The following POU6F2 variants were observed in gnomAD, a reference collection of about 807,000 sequenced individuals.
The protein encoded by POU6F2 is POU domain, class 6, transcription factor 2.
POU6F2 carries 31 observed loss-of-function variants against 71.3 expected under a neutral mutation model. The ratio of observed to expected loss-of-function variants is 0.43; its 90% CI spans 0.33 to 0.59. POU6F2 has a LOEUF of 0.59. Ranked by LOEUF, POU6F2 falls within the 20% of genes least tolerant of loss-of-function variation. The probability of loss-of-function intolerance (pLI) is 0.04; values close to 1 mark genes in which losing one functional copy is unlikely to be tolerated. For synonymous variants in POU6F2, 347 were observed against 355.7 expected (o/e 0.98, Z 0.27); for missense variants, 783 against 856.8 (o/e 0.91, Z 1.07).
chr7:39,383,996 G>A (rs1383086122), intron 5 of POU6F2, among the ~76,000 whole-genome samples: 1 of 152,190 alleles, frequency 6.6e-6, no homozygotes, highest in Non-Finnish European at 1.5e-5. Context: ...TAATTTGAAT[G>A]TGATAAATGG....
rs183637727 is a variant in POU6F2 at position 39,017,311 on chromosome 7, A to G, written c.105+39253A>G. 5.3e-5 allele frequency among the ~76,000 whole-genome samples: 8 copies of G among 152,344 alleles called. No individual in the cohort carries two copies. The East Asian group carries it at 1.3e-3, about 26-fold the overall frequency. On this transcript the variant is annotated intron_variant, in intron 1 of 9. Transcript: ENST00000518318. The stretch of plus-strand genomic sequence containing the variant: ...GCACTGGGCTGCGTGTGAACATGTT[A>G]TGTAGATTTGTTAGTGATTTATGTA...
chr7:39,316,785 G>T (rs1248434428), intron 4 of POU6F2, among the ~76,000 whole-genome samples: 1 of 152,190 alleles, frequency 6.6e-6, no homozygotes, highest in Non-Finnish European at 1.5e-5. Flanking sequence ...GCTGCACTTT[G>T]CTGTTGCTGG....
chr7:39,220,456 G>A (rs1037549206), intron 4 of POU6F2, among the ~76,000 whole-genome samples: 2 of 152,176 alleles, frequency 1.3e-5, no homozygotes, highest in African/African-American at 4.8e-5. Context: ...AAAGAGGGGT[G>A]TACTTGGCAC....
At chr7:39,410,465 G>A (rs917122455) in intron 6 of POU6F2, among the ~76,000 whole-genome samples, 1 of 152,192 alleles carries the variant, frequency 6.6e-6, no homozygotes, top group Non-Finnish European at 1.5e-5. Flanking sequence ...TGGCATTGCT[G>A]AGAAAAACAT....
intron 5 of POU6F2, among the ~76,000 whole-genome samples, chr7:39,356,133 C>T (rs1371814932): frequency 6.6e-6 from 1 of 152,200 alleles, no homozygotes; most frequent in Non-Finnish European, 1.5e-5. Flanking sequence ...CTCTCTAATC[C>T]ACTTTGCAAA....
At chr7:39,263,526 G>A (rs574198789) in intron 4 of POU6F2, among the ~76,000 whole-genome samples, 2 of 151,984 alleles carry the variant, frequency 1.3e-5, no homozygotes, top group Non-Finnish European at 2.9e-5. Flanking sequence ...GTATAATTTG[G>A]GTATCTTTTG....
intron 4 of POU6F2, among the ~76,000 whole-genome samples, chr7:39,280,256 A>G (rs1784537678): frequency 6.6e-6 from 1 of 152,172 alleles, no homozygotes; most frequent in Non-Finnish European, 1.5e-5. Context: ...TGCTAAGCCC[A>G]TGCTCCCCCA....
intron 5 of POU6F2, among the ~76,000 whole-genome samples, chr7:39,352,302 G>A (rs1271253410): frequency 6.6e-6 from 1 of 152,184 alleles, no homozygotes; most frequent in Non-Finnish European, 1.5e-5. Flanking sequence ...AAATCACCTT[G>A]CTATAGGACT....
intron 7 of POU6F2, among the ~76,000 whole-genome samples, chr7:39,439,796 T>C (rs1788347361): frequency 6.6e-6 from 1 of 152,132 alleles, no homozygotes; most frequent in South Asian, 2.1e-4. Flanking sequence ...GGCTTTTTGG[T>C]GTGTTTTTGC....
intron 2 of POU6F2, 83 bp downstream of exon 2, chr7:39,086,114 CTGT>C: frequency 1.1e-5 from 14 of 1,233,848 alleles, no homozygotes; most frequent in Non-Finnish European, 1.3e-5. Flanking sequence ...CCCTTTTTTT[CTGT>C]TGTTCATTCA....
intron 4 of POU6F2, among the ~76,000 whole-genome samples, chr7:39,213,256 TC>T (rs1794178449): frequency 1.3e-5 from 2 of 152,354 alleles, no homozygotes; most frequent in Non-Finnish European, 1.5e-5. Context: ...TGGTTTTTCT[TC>T]CCTTCACTCT....
chr7:39,100,129 C>T (rs1791536785), intron 2 of POU6F2, among the ~76,000 whole-genome samples: 1 of 152,200 alleles, frequency 6.6e-6, no homozygotes, highest in Non-Finnish European at 1.5e-5. Flanking sequence ...TTCATGGAGT[C>T]CTCATTCCTT....
intron 9 of POU6F2, among the ~76,000 whole-genome samples, chr7:39,461,805 A>C (rs1486227674): frequency 6.6e-6 from 1 of 152,228 alleles, no homozygotes; most frequent in African/African-American, 2.4e-5. Flanking sequence ...TTTTCTTATA[A>C]GATACCTCCC....
intron 6 of POU6F2, among the ~76,000 whole-genome samples, chr7:39,414,662 T>A (rs779125436): frequency 6.6e-6 from 1 of 152,208 alleles, no homozygotes; most frequent in Non-Finnish European, 1.5e-5. Flanking sequence ...TCCTTAAGAC[T>A]GCGGGTGCGG....
chr7:38,993,626 AC>A (rs1788662271), intron 1 of POU6F2, among the ~76,000 whole-genome samples: 2 of 151,858 alleles, frequency 1.3e-5, no homozygotes, highest in African/African-American at 2.4e-5. Context: ...ACACACACAC[AC>A]ACACACACAC....
intron 4 of POU6F2, among the ~76,000 whole-genome samples, chr7:39,309,400 G>A (rs957204061): frequency 1.3e-5 from 2 of 152,176 alleles, no homozygotes; most frequent in African/African-American, 4.8e-5. Context: ...AGGGTAGGAT[G>A]GAAAAGAAAC....
chr7:39,388,169 G>A (rs776453394), intron 5 of POU6F2, among the ~76,000 whole-genome samples: 11 of 152,140 alleles, frequency 7.2e-5, no homozygotes, highest in Non-Finnish European at 1.5e-4. Flanking sequence ...ACTGTCCTGC[G>A]ACAGTGCTCA....
chr7:39,154,237 T>G (rs970136217), intron 2 of POU6F2, among the ~76,000 whole-genome samples: 1 of 152,168 alleles, frequency 6.6e-6, no homozygotes, highest in Non-Finnish European at 1.5e-5. Flanking sequence ...CAAGTAGCTG[T>G]GCTGGGCATC....
intron 3 of POU6F2, among the ~76,000 whole-genome samples, chr7:39,207,026 C>A (rs1042037092): frequency 3.9e-5 from 6 of 152,102 alleles, no homozygotes; most frequent in African/African-American, 1.2e-4. Flanking sequence ...ATCAAAAAAT[C>A]CCACTGATCC....
Sources: gnomAD v4.1 joint callset for allele counts (sites outside exome capture counted in the v4.1 genomes callset) on GRCh38, gnomAD v4.1.1 for gene constraint, MANE v1.5 for transcripts, NCBI Gene and HGNC (gene_info 2026-07-23, HGNC 2026-07-21) for gene names.